ZNF536: variants seen among roughly 807,000 people sequenced by gnomAD.
ZNF536 encodes zinc finger protein 536.
ZNF536 carries 13 observed loss-of-function variants against 84.5 expected under a neutral mutation model. That is an observed-to-expected ratio of 0.15 (90% CI 0.10 to 0.24). ZNF536 has a LOEUF of 0.24. Ranked by LOEUF, ZNF536 falls within the 10% of genes least tolerant of loss-of-function variation. ZNF536 has a pLI of 1.00. For missense variants in ZNF536, 1,536 were observed against 1,747.5 expected, an observed-to-expected ratio of 0.88 and a Z score of 2.16; for synonymous variants, 811 against 742.5, an observed-to-expected ratio of 1.09 and a Z score of -1.50.
At chr19:30,383,828 CTCCTTCTT>C (rs1295170881) in intron 1 of ZNF536, among the ~76,000 whole-genome samples, 13 of 128,036 alleles carry the variant, frequency 1.0e-4, no homozygotes, top group African/African-American at 3.5e-4. Context: ...TTCTTTCTTT[CTCCTTCTT>C]TCCTTCCTTC....
At chr19:30,423,401 G>A (rs963256813) in intron 1 of ZNF536, among the ~76,000 whole-genome samples, 1 of 152,200 alleles carries the variant, frequency 6.6e-6, no homozygotes, top group Non-Finnish European at 1.5e-5. Flanking sequence ...TATCCAATAG[G>A]GATACAGTAA....
chr19:30,364,832 CA>C (rs2048378138), intron 3 of ZNF536, among the ~76,000 whole-genome samples: 1 of 152,078 alleles, frequency 6.6e-6, no homozygotes, highest in Non-Finnish European at 1.5e-5. Flanking sequence ...CATATGTATA[CA>C]AAAGAGGTAC....
intron 2 of ZNF536, among the ~76,000 whole-genome samples, chr19:30,330,208 G>T (rs1039439601): frequency 4.6e-5 from 7 of 152,186 alleles, no homozygotes; most frequent in Admixed American, 4.6e-4. Flanking sequence ...GTGCCCACAT[G>T]TTAAATATTA....
At chr19:30,576,779 T>A (rs1335924707) in intron 1 of ZNF536, among the ~76,000 whole-genome samples, 1 of 152,192 alleles carries the variant, frequency 6.6e-6, no homozygotes, top group Non-Finnish European at 1.5e-5. Context: ...GGCTTTCTTG[T>A]CCTGGGCAAT....
intron 3 of ZNF536, among the ~76,000 whole-genome samples, chr19:30,357,780 C>T (rs2048146525): frequency 6.6e-6 from 1 of 152,164 alleles, no homozygotes; most frequent in African/African-American, 2.4e-5. Flanking sequence ...GAGTGACAGG[C>T]AGAGGGCTTC....
chr19:30,605,898 T>G (rs1204320451), intron 1 of ZNF536, among the ~76,000 whole-genome samples: 1 of 152,246 alleles, frequency 6.6e-6, no homozygotes, highest in Middle Eastern at 3.4e-3. Flanking sequence ...CTGCTTCAGG[T>G]TTTGAGGGAG....
At chr19:30,627,705 A>G (rs897700468) in intron 1 of ZNF536, among the ~76,000 whole-genome samples, 1 of 152,092 alleles carries the variant, frequency 6.6e-6, no homozygotes, top group African/African-American at 2.4e-5. Context: ...CTCATATTCT[A>G]TGATGCGCTG....
intron 1 of ZNF536, among the ~76,000 whole-genome samples, chr19:30,658,661 C>T (rs2050008995): frequency 6.6e-6 from 1 of 152,124 alleles, no homozygotes; most frequent in Non-Finnish European, 1.5e-5. Flanking sequence ...CTCTGTGGGT[C>T]CCATTTTAAC....
At chr19:30,238,087 A>G (rs920086109) in intron 1 of ZNF536, among the ~76,000 whole-genome samples, 1 of 152,214 alleles carries the variant, frequency 6.6e-6, no homozygotes, top group Non-Finnish European at 1.5e-5. Flanking sequence ...AAAAGAGAAA[A>G]TGATTAAGGA....
intron 1 of ZNF536, among the ~76,000 whole-genome samples, chr19:30,269,790 G>A (rs1483226301): frequency 6.6e-6 from 1 of 152,164 alleles, no homozygotes; most frequent in East Asian, 1.9e-4. Flanking sequence ...AGATGCCACA[G>A]CCCAGTGTCT....
intron 2 of ZNF536, among the ~76,000 whole-genome samples, chr19:30,463,997 A>T (rs187280174): frequency 6.6e-5 from 10 of 152,314 alleles, no homozygotes; most frequent in Non-Finnish European, 1.0e-4. Context: ...CGGCTCTAGG[A>T]GTAGCTGTTT....
rs567671631 is a variant in ZNF536, at chr19:30,344,732, C to A, written c.-119-7636C>A. Among the ~76,000 whole-genome samples the A allele has an allele frequency of 2.0e-5, 3 of 152,240 alleles. No homozygotes were observed. The East Asian group carries it at 5.8e-4, about 30-fold the overall frequency. On this transcript the variant is annotated intron_variant, in intron 2 of 5. Transcript: ENST00000585628. ...CTCGGGGATTCAGGTTCCCCATGGG[C>A]AGAAGGCTCTTTGGAGACCCCTGCA...
At chr19:30,480,744 T>A (rs2054046523) in intron 2 of ZNF536, among the ~76,000 whole-genome samples, 1 of 152,194 alleles carries the variant, frequency 6.6e-6, no homozygotes, top group African/African-American at 2.4e-5. Context: ...AAATAATAAA[T>A]GGCTTTTTAG....
intron 1 of ZNF536, among the ~76,000 whole-genome samples, chr19:30,585,974 C>G (rs114171950): frequency 2.9e-3 from 448 of 152,318 alleles, no homozygotes; most frequent in African/African-American, 0.01. Context: ...GAAACATACA[C>G]TGAGCTCATA....
chr19:30,285,058 A>G (rs2024299), intron 2 of ZNF536, among the ~76,000 whole-genome samples: 46,673 of 152,088 alleles, frequency 0.31, 9,789 homozygotes, highest in East Asian at 0.61. Context: ...TCCATTACCA[A>G]GCCTTTCAAT....
intron 1 of ZNF536, among the ~76,000 whole-genome samples, chr19:30,246,503 C>A (rs1230195699): frequency 6.6e-6 from 1 of 152,196 alleles, no homozygotes; most frequent in Non-Finnish European, 1.5e-5. Context: ...AAGTAGACTG[C>A]AAGCTTCCTG....
intron 2 of ZNF536, among the ~76,000 whole-genome samples, chr19:30,505,153 A>T (rs1282625966): frequency 6.6e-6 from 1 of 151,306 alleles, no homozygotes; most frequent in Non-Finnish European, 1.5e-5. Flanking sequence ...CCCCCAAATA[A>T]GTGTCTGCCC....
chr19:30,514,812 G>A (rs150371952), intron 2 of ZNF536, among the ~76,000 whole-genome samples: 48 of 152,104 alleles, frequency 3.2e-4, no homozygotes, highest in African/African-American at 9.2e-4. Context: ...TGTTGACTCC[G>A]GCTCTGGGTA....
At chr19:30,558,642 C>T (rs1233509246), downstream of ZNF536, among the ~76,000 whole-genome samples, 1 of 152,146 alleles carries the variant, frequency 6.6e-6, no homozygotes, top group African/African-American at 2.4e-5. Flanking sequence ...ACTTTGCCTC[C>T]TGGTGGGGAG....
Sources: allele counts gnomAD v4.1 joint callset (sites outside exome capture counted in the v4.1 genomes callset), GRCh38; gene constraint gnomAD v4.1.1; transcripts MANE v1.5; gene names NCBI Gene and HGNC (gene_info 2026-07-23, HGNC 2026-07-21).